The following NUCB2 variants were observed in gnomAD, a reference collection of about 807,000 sequenced individuals.
NUCB2 encodes the protein nucleobindin 2, also known as nucleobindin-2.
In NUCB2, 48 loss-of-function variants were observed where a neutral mutation model predicts 57.9. That is an observed-to-expected ratio of 0.83 (90% CI 0.66 to 1.05). NUCB2 has a LOEUF of 1.05. NUCB2 is among the 50% of genes least tolerant of loss of function. The pLI is 0.00. For missense variants in NUCB2, 442 were observed against 476.2 expected (o/e 0.93, Z 0.67); for synonymous variants, 139 against 152.1 (o/e 0.91, Z 0.64).
downstream of NUCB2, among the ~76,000 whole-genome samples, chr11:17,335,798 C>A (rs1448583760): frequency 6.6e-6 from 1 of 152,124 alleles, no homozygotes; most frequent in Non-Finnish European, 1.5e-5. Flanking sequence ...CCGCGCCCAG[C>A]CTATTATTCC....
chr11:17,293,825 A>G (rs1044422434), intron 2 of NUCB2, among the ~76,000 whole-genome samples: 2 of 152,218 alleles, frequency 1.3e-5, no homozygotes, highest in Non-Finnish European at 2.9e-5. Flanking sequence ...CATTTATATG[A>G]AATGCCCAGA....
intron 2 of NUCB2, among the ~76,000 whole-genome samples, chr11:17,294,102 A>G (rs1945399555): frequency 6.6e-6 from 1 of 152,250 alleles, no homozygotes; most frequent in Admixed American, 6.5e-5. Flanking sequence ...AGAAGCATGA[A>G]TGAATAATAA....
At chr11:17,320,743 A>AT (rs1472056297) in intron 11 of NUCB2, among the ~76,000 whole-genome samples, 3 of 152,064 alleles carry the variant, frequency 2.0e-5, no homozygotes, top group Non-Finnish European at 2.9e-5. Context: ...GGGTTAGTTC[A>AT]TTTTTTTCCT....
At chr11:17,346,655 A>C (rs1952763835) in intron 2 of NUCB2, among the ~76,000 whole-genome samples, 1 of 152,218 alleles carries the variant, frequency 6.6e-6, no homozygotes, top group African/African-American at 2.4e-5. Flanking sequence ...ACTTTAAATA[A>C]TTTTAGCCTT....
chr11:17,330,264 T>C lies in NUCB2; in HGVS notation c.1140T>C (p.Asp380=), dbSNP rs569605535. ...KQKEELQRQH[D]QLEAQKLEYH... ...AAGAAGAGCTACAACGTCAGCATGA[T>C]CAACTGGAGGCTCAGAAGCTGGAAT... Residue 380 remains aspartate (D), a synonymous_variant, in exon 12 of 14, where the codon GAT becomes GAC. Coordinates refer to ENST00000529010, the MANE Select transcript of NUCB2 (RefSeq NM_005013.4). This position sits in a 1 kb window ranked among gnomAD's most constrained non-coding sequence, Gnocchi z 4.3. 5 of 1,608,300 alleles carry C rather than the reference T, an allele frequency of 3.1e-6. No individual in the cohort carries two copies. In the South Asian group the frequency reaches 5.6e-5, roughly 18 times the overall value.
intron 8 of NUCB2, 39 bp from the exon 9 acceptor site, chr11:17,311,833 T>C: frequency 7.5e-7 from 1 of 1,333,366 alleles, no homozygotes; most frequent in Non-Finnish European, 1.1e-6. Flanking sequence ...TTCTAAGTTA[T>C]TAAAATCTAT....
At position 17,332,161 on chromosome 11, in the gene NUCB2, AT is replaced by A. The variant is rs2139503881; in HGVS notation, c.*747del. On this transcript the variant is annotated 3_prime_UTR_variant, in exon 14 of 14. Transcript: ENST00000529010. Reference sequence around the variant, plus strand: ...TCTGCTCTGCTATCCTCAGTGCATGATTTTTATCCTCAGATTACCTCACTCT... The same window carrying A: ...TCTGCTCTGCTATCCTCAGTGCATGATTTTATCCTCAGATTACCTCACTCT... 1 of 152,222 alleles carries A rather than the reference AT, an allele frequency of 6.6e-6. No individual in the cohort carries two copies. Among genetic ancestry groups the A allele is most frequent in the Admixed American group, 6.5e-5 (1 of 15,282 alleles). 9.4% of individuals were successfully genotyped at this position (152,222 alleles called of 1,614,324 possible).
intron 11 of NUCB2, among the ~76,000 whole-genome samples, chr11:17,329,623 C>G (rs143822762): frequency 1.7e-3 from 260 of 152,326 alleles, no homozygotes; most frequent in Middle Eastern, 0.01. Context: ...CCAGAGGGCA[C>G]AGACTCTCTG....
intron 2 of NUCB2, among the ~76,000 whole-genome samples, chr11:17,291,050 A>C (rs1944852184): frequency 6.6e-6 from 1 of 152,078 alleles, no homozygotes; most frequent in Non-Finnish European, 1.5e-5. Flanking sequence ...GGAACCCTGT[A>C]CCCATTTAGC....
At chr11:17,319,253 T>G (rs1490734265) in intron 11 of NUCB2, among the ~76,000 whole-genome samples, 1 of 152,192 alleles carries the variant, frequency 6.6e-6, no homozygotes, top group African/African-American at 2.4e-5. Context: ...GCTCTAATCT[T>G]TACCATCATT....
chr11:17,288,941 A>G (rs1438483047), intron 2 of NUCB2, among the ~76,000 whole-genome samples: 1 of 89,652 alleles, frequency 1.1e-5, no homozygotes, highest in Non-Finnish European at 1.9e-5. Context: ...ACACACACAC[A>G]CACACACACA....
At position 17,302,330 on chromosome 11, in the gene NUCB2, A is replaced by AT. The variant is rs571491488; in HGVS notation, c.379+464dup. On this transcript the variant is annotated intron_variant, in intron 5 of 13. Transcript: ENST00000529010. The stretch of plus-strand genomic sequence containing the variant: ...ATTTAATGTTTTAAATAGATAATAC[A>AT]TTTTATATCATTCAAAAATCAGTAT... Among the ~76,000 whole-genome samples the AT allele has an allele frequency of 3.8e-3, 578 of 152,342 alleles. 4 individuals are homozygous for AT. The highest frequency in any genetic ancestry group is 9.7e-3 in the African/African-American group (402 of 41,582).
At chr11:17,313,907 T>C (rs1351495314) in intron 10 of NUCB2, among the ~76,000 whole-genome samples, 3 of 152,150 alleles carry the variant, frequency 2.0e-5, no homozygotes, top group African/African-American at 7.2e-5. Flanking sequence ...CATGTCTCTA[T>C]ATATGCTCTA....
Position 17,282,546 on chromosome 11 carries a change from C to A in NUCB2, c.-155-243C>A, listed in dbSNP as rs574169492. 1.4e-4 allele frequency among the ~76,000 whole-genome samples: 22 copies of A among 152,104 alleles called. No homozygotes were observed. The South Asian group carries it at 4.6e-3, about 32-fold the overall frequency. On this transcript the variant is annotated intron_variant, in intron 1 of 13. Transcript: ENST00000529010. The stretch of plus-strand genomic sequence containing the variant: ...AAAGTGCTGGGATTACAAGCAGGAG[C>A]CACCGTGCCCGGCCAACATCTTTGT...
chr11:17,302,898 C>T (rs1946986845), intron 5 of NUCB2, among the ~76,000 whole-genome samples: 1 of 152,146 alleles, frequency 6.6e-6, no homozygotes, highest in African/African-American at 2.4e-5. Context: ...ACTACCACAC[C>T]CAGCTAATTT....
At chr11:17,315,563 T>A in intron 11 of NUCB2, 88 bp downstream of exon 11, 1 of 683,218 alleles carries the variant, frequency 1.5e-6, no homozygotes, top group East Asian at 2.6e-5. Context: ...CCCATTATGT[T>A]TGCATGTATA....
chr11:17,317,232 T>C lies in NUCB2; in HGVS notation c.1002+1757T>C, dbSNP rs554405905. Among the ~76,000 whole-genome samples, 3 of 152,258 alleles carry C rather than the reference T, an allele frequency of 2.0e-5. No homozygotes were observed. In the East Asian group the frequency reaches 5.8e-4, roughly 29 times the overall value. On this transcript the variant is annotated intron_variant, in intron 11 of 13. Transcript: ENST00000529010. ...TTTCTCTCTTTCCCTCCTCTCTATT[T>C]TTAATCTCTATGTGTGTGTATGTAT...
Position 17,331,397 on chromosome 11 carries a change from T to TC in NUCB2, c.1256-14dup. On this transcript the variant is annotated splice_polypyrimidine_tract_variant and intron_variant, in intron 13 of 13. Transcript: ENST00000529010. ...GATACTTTTAAAATAAGAACTTTTT[T>TC]CTTTTTTCCAACAGACATTTAAAGT... The TC allele has an allele frequency of 7.0e-7, 1 of 1,428,222 alleles. No homozygotes were observed. The highest frequency in any genetic ancestry group is 9.3e-7 in the Non-Finnish European group (1 of 1,076,516). 88.5% of individuals were successfully genotyped at this position (1,428,222 alleles called of 1,614,324 possible).
chr11:17,297,562 T>C (rs1374895198), intron 4 of NUCB2, among the ~76,000 whole-genome samples: 1 of 152,250 alleles, frequency 6.6e-6, no homozygotes, highest in East Asian at 1.9e-4. Flanking sequence ...ATATATCTGA[T>C]GTAGAACTCT....
Sources: allele counts gnomAD v4.1 joint callset (sites outside exome capture counted in the v4.1 genomes callset), GRCh38; gene constraint gnomAD v4.1.1; non-coding constraint Gnocchi (gnomAD v3.1); transcripts MANE v1.5; gene names NCBI Gene and HGNC (gene_info 2026-07-23, HGNC 2026-07-21).